RNF34: variants seen among roughly 807,000 people sequenced by gnomAD.
RNF34 encodes the protein ring finger protein 34.
Under a neutral mutation model 37.9 loss-of-function variants are expected in RNF34, and 12 were observed. The ratio of observed to expected loss-of-function variants is 0.32; its 90% CI spans 0.20 to 0.51. The LOEUF is 0.51. Ranked by LOEUF, RNF34 falls within the 20% of genes least tolerant of loss-of-function variation. The pLI, the probability that RNF34 is intolerant of heterozygous loss-of-function variation, is 0.97. For synonymous variants in RNF34, 155 were observed against 177.2 expected, an observed-to-expected ratio of 0.87 and a Z score of 1.00; for missense variants, 362 against 472.7, an observed-to-expected ratio of 0.77 and a Z score of 2.17.
At position 121,423,749 on chromosome 12, in the gene RNF34, C is replaced by T. The variant is rs782436084; in HGVS notation, c.*173C>T. 9 of 619,950 alleles carry T rather than the reference C, an allele frequency of 1.5e-5. No homozygotes were observed. Among genetic ancestry groups the T allele is most frequent in the Non-Finnish European group, 2.5e-5 (9 of 366,734 alleles). The allele number at this position is 619,950 out of a possible 1,614,324, so 38.4% of individuals were successfully genotyped here. ...GAGTTGTGGAAACATTGGTCCATGCCGTGAGCCTGTCTGCCTGTGGACACG... is the reference window on the plus strand; with the variant it reads ...GAGTTGTGGAAACATTGGTCCATGCTGTGAGCCTGTCTGCCTGTGGACACG... On this transcript the variant is annotated 3_prime_UTR_variant, in exon 6 of 6. Transcript: ENST00000361234. This position sits in a 1 kb window ranked among gnomAD's most constrained non-coding sequence, Gnocchi z 4.3.
rs562141916 is a variant in RNF34 at position 121,423,692 on chromosome 12, G to A, written c.*116G>A. The A allele has an allele frequency of 6.3e-5, 56 of 885,090 alleles. No individual in the cohort carries two copies. The highest frequency in any genetic ancestry group is 9.3e-5 in the Non-Finnish European group (54 of 579,972). 54.8% of individuals were successfully genotyped at this position (885,090 alleles called of 1,614,324 possible). A position where few individuals can be genotyped will look rare whatever the true frequency, so the allele number is the denominator to read the frequency against. ...TGAAGCTATTTTAAAACATTATTTT[G>A]ACTACTAAGTGGGGACAGAAAGATC... On this transcript the variant is annotated 3_prime_UTR_variant, in exon 6 of 6. Transcript: ENST00000361234. The surrounding 1 kb of genome is among the most constrained non-coding windows in gnomAD (Gnocchi z 4.3).
intron 1 of RNF34, among the ~76,000 whole-genome samples, chr12:121,413,983 G>C (rs978520807): frequency 3.3e-5 from 5 of 152,186 alleles, no homozygotes; most frequent in African/African-American, 1.2e-4. Flanking sequence ...ACCTTGTGTT[G>C]TGGTTTCTTC....
At chr12:121,422,354 T>TCCTC (rs1269591574) in intron 5 of RNF34, among the ~76,000 whole-genome samples, 1 of 152,154 alleles carries the variant, frequency 6.6e-6, no homozygotes, top group Admixed American at 6.5e-5. Flanking sequence ...AGATACTGGC[T>TCCTC]CCTCTGCTTT....
rs186317006 is a variant in RNF34 at position 121,418,453 on chromosome 12, G to T, written c.633+542G>T. ...CATCCTGATTGAATAACATGTAAAG[G>T]CTTGTAATTAATATTTACTTGTACG... On this transcript the variant is annotated intron_variant, in intron 3 of 5. Coordinates refer to ENST00000361234, the MANE Select transcript of RNF34 (RefSeq NM_025126.4). 2.3e-4 allele frequency: 36 copies of T among 153,202 alleles called. 1 individual carries two copies. In the East Asian group the frequency reaches 6.2e-3, roughly 26 times the overall value. The allele number at this position is 153,202 out of a possible 1,614,324, so 9.5% of individuals were successfully genotyped here.
intron 1 of RNF34, among the ~76,000 whole-genome samples, chr12:121,406,017 T>C (rs995520289): frequency 1.3e-4 from 19 of 151,546 alleles, no homozygotes; most frequent in Non-Finnish European, 2.4e-4. Flanking sequence ...ATGGTCTCGA[T>C]CTCCTGACCT....
chr12:121,403,079 C>G (rs1337552102), intron 1 of RNF34, among the ~76,000 whole-genome samples: 1 of 152,086 alleles, frequency 6.6e-6, no homozygotes, highest in Non-Finnish European at 1.5e-5. Flanking sequence ...TTCTAAGGAG[C>G]ATATGTTTCT....
rs1871689159 is a variant in RNF34, at chr12:121,417,556, A to G, written c.278A>G (p.Gln93Arg). ...TTTTGCTCCGTTTGTTCAGTCTTAC[A>G]AGAAAATCTCCGTAGATGTTCTACT... ...KDFCSVCSVL[Q>R]ENLRRCSTCH... The change falls in exon 3 of 6, where the codon CAA (glutamine) becomes CGA (arginine). Residue 93 changes from glutamine to arginine, a missense_variant. By Grantham distance (43) the Gln-to-Arg change is conservative. Transcript: ENST00000361234. This position sits in a 1 kb window ranked among gnomAD's most constrained non-coding sequence, Gnocchi z 5.0. The G allele has an allele frequency of 3.1e-6, 5 of 1,614,154 alleles. No individual in the cohort carries two copies. Among genetic ancestry groups the G allele is most frequent in the Non-Finnish European group, 2.5e-6 (3 of 1,179,972 alleles).
chr12:121,400,150 G>GT lies in RNF34; in HGVS notation c.-62dup. 2.5e-6 allele frequency: 4 copies of GT among 1,586,374 alleles called. No individual in the cohort carries two copies. The highest frequency in any genetic ancestry group is 1.1e-5 in the South Asian group (1 of 88,442). ...GCCCAGAGGGAAGGAGGTCGGCAGTGTGAGGAGCTGCTATGGTGCTGAGTT... is the reference window on the plus strand; with the variant it reads ...GCCCAGAGGGAAGGAGGTCGGCAGTGTTGAGGAGCTGCTATGGTGCTGAGTT... On this transcript the variant is annotated 5_prime_UTR_variant, in exon 1 of 6. Transcript: ENST00000361234.
At chr12:121,413,174 T>C (rs891449840) in intron 1 of RNF34, among the ~76,000 whole-genome samples, 9 of 151,778 alleles carry the variant, frequency 5.9e-5, no homozygotes, top group African/African-American at 1.9e-4. Context: ...TACAGGCATC[T>C]GCCAATACGC....
At chr12:121,401,918 T>C in intron 1 of RNF34, among the ~76,000 whole-genome samples, 1 of 152,198 alleles carries the variant, frequency 6.6e-6, no homozygotes, top group Admixed American at 6.5e-5. Context: ...TTATAAATGA[T>C]GCTTTTGTTT....
chr12:121,402,919 A>C (rs1555280196), intron 1 of RNF34: 3 of 748,542 alleles, frequency 4.0e-6, no homozygotes. Context: ...CAACCTGCTT[A>C]ATGTCCAAAT....
At chr12:121,420,818 C>G in intron 5 of RNF34, 40 bp downstream of exon 5, 3 of 1,504,462 alleles carry the variant, frequency 2.0e-6, no homozygotes, top group Non-Finnish European at 1.8e-6. Context: ...AGTATTTTTC[C>G]TTAGGCTTTT....
chr12:121,420,034 TTG>T (rs1210844321), intron 3 of RNF34: 17 of 483,132 alleles, frequency 3.5e-5, no homozygotes, highest in African/African-American at 3.3e-4. Flanking sequence ...ACACAGGAAT[TTG>T]TGTTTTGAGC....
chr12:121,416,087 G>T, intron 1 of RNF34, 72 bp from the exon 2 acceptor site: 1 of 1,242,724 alleles, frequency 8.0e-7, no homozygotes, highest in Non-Finnish European at 1.2e-6. Context: ...CTCCAGAATA[G>T]CATTCCCTGA....
chr12:121,418,125 T>C (rs1593672263), intron 3 of RNF34: 1 of 567,076 alleles, frequency 1.8e-6, no homozygotes, highest in Non-Finnish European at 3.1e-6. Flanking sequence ...GTCTGAAGGG[T>C]CCCAAAATAG....
At chr12:121,422,101 A>G (rs1872220408) in intron 5 of RNF34, among the ~76,000 whole-genome samples, 1 of 152,212 alleles carries the variant, frequency 6.6e-6, no homozygotes. Flanking sequence ...AATAGCAACT[A>G]TGTACAGTGC....
At chr12:121,416,425 T>C in intron 2 of RNF34, 48 bp downstream of exon 2, 1 of 1,252,270 alleles carries the variant, frequency 8.0e-7, no homozygotes, top group Non-Finnish European at 1.2e-6. Flanking sequence ...GTCAGCATTC[T>C]TGATTGTAGG....
Position 121,423,156 on chromosome 12 carries a change from G to A in RNF34, c.929-230G>A, listed in dbSNP as rs1008372886. Among the ~76,000 whole-genome samples, 2 of 152,202 alleles carry A rather than the reference G, an allele frequency of 1.3e-5. No individual in the cohort carries two copies. Among genetic ancestry groups the A allele is most frequent in the African/African-American group, 2.4e-5 (1 of 41,458 alleles). On this transcript the variant is annotated intron_variant, in intron 5 of 5. Coordinates refer to ENST00000361234, the MANE Select transcript of RNF34 (RefSeq NM_025126.4). This position sits in a 1 kb window ranked among gnomAD's most constrained non-coding sequence, Gnocchi z 4.3. ...TACATAGCTAACATTTGTTGGGTAC[G>A]TCAAGCATTTTATTCTTTACAAAAC...
At chr12:121,416,638 T>C (rs1871599510) in intron 2 of RNF34, 1 of 317,118 alleles carries the variant, frequency 3.2e-6, no homozygotes, top group Non-Finnish European at 5.9e-6. Flanking sequence ...CTATTATGTT[T>C]ATTTCCAAAA....
Sources: gnomAD v4.1 joint callset for allele counts (sites outside exome capture counted in the v4.1 genomes callset) on GRCh38, gnomAD v4.1.1 for gene constraint, Gnocchi (gnomAD v3.1) non-coding constraint, MANE v1.5 for transcripts, NCBI Gene and HGNC (gene_info 2026-07-23, HGNC 2026-07-21) for gene names.